Variants in RIMS2 observed in about 807,000 individuals in gnomAD.
RIMS2 encodes regulating synaptic membrane exocytosis protein 2.
RIMS2 carries 59 observed loss-of-function variants against 174.4 expected under a neutral mutation model. The observed-to-expected ratio is 0.34, with a 90% CI of 0.27 to 0.42. RIMS2 has a LOEUF of 0.42. Ranked by LOEUF, RIMS2 falls within the 10% of genes least tolerant of loss-of-function variation. The pLI is 1.00. For missense variants in RIMS2, 1,620 were observed against 1,666.3 expected (o/e 0.97, Z 0.48); for synonymous variants, 606 against 572.5 (o/e 1.06, Z -0.84).
chr8:104,046,577 A>G (rs10106539), intron 19 of RIMS2, among the ~76,000 whole-genome samples: 38,455 of 151,950 alleles, frequency 0.25, 5,274 homozygotes, highest in African/African-American at 0.35. Flanking sequence ...GCATGTACGG[A>G]CACATATAAA....
intron 3 of RIMS2, among the ~76,000 whole-genome samples, chr8:103,816,331 A>G (rs1180922325): frequency 6.6e-6 from 1 of 152,182 alleles, no homozygotes; most frequent in African/African-American, 2.4e-5. Flanking sequence ...TGTCTATGTA[A>G]GTGATTGAAA....
At chr8:103,901,409 T>C (rs1360510692) in intron 4 of RIMS2, among the ~76,000 whole-genome samples, 1 of 152,188 alleles carries the variant, frequency 6.6e-6, no homozygotes, top group African/African-American at 2.4e-5. Context: ...GCAAACTTGC[T>C]GACATTGAGA....
At chr8:103,704,898 T>G (rs2097207288) in intron 2 of RIMS2, among the ~76,000 whole-genome samples, 2 of 151,972 alleles carry the variant, frequency 1.3e-5, no homozygotes, top group African/African-American at 4.8e-5. Flanking sequence ...GTTTACATTT[T>G]CAAAAAGCCA....
At chr8:104,037,115 T>C (rs2096533795) in intron 19 of RIMS2, among the ~76,000 whole-genome samples, 1 of 152,158 alleles carries the variant, frequency 6.6e-6, no homozygotes, top group African/African-American at 2.4e-5. Context: ...TTTGTCACTG[T>C]GGAGATGTTC....
At chr8:103,771,762 T>C (rs1254665875) in intron 3 of RIMS2, among the ~76,000 whole-genome samples, 1 of 152,098 alleles carries the variant, frequency 6.6e-6, no homozygotes, top group Non-Finnish European at 1.5e-5. Context: ...TCTTTCACTA[T>C]TTTTTTCCTC....
chr8:103,974,745 A>G (rs1277531626), intron 15 of RIMS2, among the ~76,000 whole-genome samples: 1 of 152,196 alleles, frequency 6.6e-6, no homozygotes, highest in African/African-American at 2.4e-5. Context: ...AAGAAAAATG[A>G]TAGGTGCAGT....
intron 1 of RIMS2, among the ~76,000 whole-genome samples, chr8:103,666,399 CGGAG>C (rs1564210860): frequency 1.5e-4 from 23 of 152,126 alleles, no homozygotes; most frequent in African/African-American, 5.1e-4. Context: ...TTTGGTCAAC[CGGAG>C]AGGTTGACCA....
chr8:103,665,544 A>G (rs907626411), intron 1 of RIMS2, among the ~76,000 whole-genome samples: 1 of 152,224 alleles, frequency 6.6e-6, no homozygotes. Context: ...TATCTGACCT[A>G]TTCAAGATAG....
intron 19 of RIMS2, among the ~76,000 whole-genome samples, chr8:104,049,236 C>G (rs1209067440): frequency 1.3e-5 from 2 of 151,478 alleles, no homozygotes; most frequent in African/African-American, 4.8e-5. Context: ...TCCTGGCTAA[C>G]ACGGTGAAAC....
chr8:104,052,722 C>T (rs567124086), intron 19 of RIMS2, among the ~76,000 whole-genome samples: 2 of 152,014 alleles, frequency 1.3e-5, no homozygotes, highest in Admixed American at 1.3e-4. Flanking sequence ...AGGGGGCCCA[C>T]TTGGGGATGA....
intron 2 of RIMS2, among the ~76,000 whole-genome samples, chr8:103,756,331 C>G (rs1410363798): frequency 2.7e-5 from 4 of 150,458 alleles, no homozygotes; most frequent in Non-Finnish European, 5.9e-5. Flanking sequence ...GGAGCCGTTC[C>G]TAGTCGGCCA....
chr8:103,518,504 C>T (rs1413803729), intron 1 of RIMS2, among the ~76,000 whole-genome samples: 1 of 151,970 alleles, frequency 6.6e-6, no homozygotes, highest in Non-Finnish European at 1.5e-5. Flanking sequence ...ATATGGAAAG[C>T]AGGTATCTAT....
At chr8:103,786,661 T>TAC (rs1391464546) in intron 3 of RIMS2, among the ~76,000 whole-genome samples, 3 of 152,244 alleles carry the variant, frequency 2.0e-5, no homozygotes, top group African/African-American at 7.2e-5. Context: ...TCTGTTCTTT[T>TAC]ACATTTGCTG....
intron 3 of RIMS2, among the ~76,000 whole-genome samples, chr8:103,848,772 G>A (rs536038348): frequency 6.6e-6 from 1 of 152,122 alleles, no homozygotes; most frequent in South Asian, 2.1e-4. Context: ...TACTCTGACA[G>A]GACCCTCACT....
At chr8:103,880,585 G>T (rs1318628496) in intron 3 of RIMS2, 20 of 436,870 alleles carry the variant, frequency 4.6e-5, no homozygotes, top group Admixed American at 8.1e-5. Context: ...CTATGATTTT[G>T]CCAGGGCTAG....
At position 103,810,225 on chromosome 8, in the gene RIMS2, C is replaced by T. The variant is rs80111713; in HGVS notation, c.698+43688C>T. ...CCATTAGAATCACCATTAATATTGC[C>T]TCTAAGCTGAGCCTCCTTAGAAGCA... On this transcript the variant is annotated intron_variant, in intron 3 of 23. Transcript: ENST00000504942. Among the ~76,000 whole-genome samples, 933 of 152,186 alleles carry T rather than the reference C, an allele frequency of 6.1e-3. 12 individuals carry two copies. The highest frequency in any genetic ancestry group is 0.021 in the African/African-American group (883 of 41,504).
intron 11 of RIMS2, among the ~76,000 whole-genome samples, chr8:103,930,887 C>T (rs2079792386): frequency 6.6e-6 from 1 of 152,092 alleles, no homozygotes; most frequent in South Asian, 2.1e-4. Context: ...TCATTTTGAG[C>T]ACTTATTCTG....
chr8:103,696,420 T>C (rs1489052074), intron 1 of RIMS2, among the ~76,000 whole-genome samples: 2 of 152,208 alleles, frequency 1.3e-5, no homozygotes, highest in African/African-American at 4.8e-5. Flanking sequence ...GCTTTCTGTA[T>C]TTCTGAAGTT....
At chr8:104,151,042 A>G (rs559998590) in intron 19 of RIMS2, among the ~76,000 whole-genome samples, 1 of 152,320 alleles carries the variant, frequency 6.6e-6, no homozygotes, top group Non-Finnish European at 1.5e-5. Flanking sequence ...ATTAACAGAG[A>G]AGTATGATAA....
Sources: allele counts gnomAD v4.1 joint callset (sites outside exome capture counted in the v4.1 genomes callset), GRCh38; gene constraint gnomAD v4.1.1; transcripts MANE v1.5; gene names NCBI Gene and HGNC (gene_info 2026-07-23, HGNC 2026-07-21).